Variants in CBLN2 observed in about 807,000 individuals in gnomAD.
The protein encoded by CBLN2 is cerebellin-2.
In CBLN2, 7 loss-of-function variants were observed where a neutral mutation model predicts 15.0. The ratio of observed to expected loss-of-function variants is 0.47; its 90% CI spans 0.27 to 0.88. The LOEUF is 0.88. CBLN2 is among the 40% of genes least tolerant of loss of function. CBLN2 has a pLI of 0.14. For missense variants in CBLN2, 242 were observed against 304.5 expected (o/e 0.79, Z 1.53); for synonymous variants, 149 against 135.2 (o/e 1.10, Z -0.71).
intron 1 of CBLN2, among the ~76,000 whole-genome samples, chr18:72,554,077 C>T (rs181861309): frequency 1.3e-4 from 20 of 152,252 alleles, no homozygotes; most frequent in Non-Finnish European, 2.4e-4. Flanking sequence ...ATCACATAAT[C>T]TCTTCTATAA....
At chr18:72,620,271 C>T (rs1372031430) in intron 1 of CBLN2, 2 of 152,094 alleles carry the variant, frequency 1.3e-5, no homozygotes, top group African/African-American at 4.8e-5. Flanking sequence ...TGAGTATCTG[C>T]ACTTGTGGCT....
At chr18:72,589,264 G>A (rs1350879620) in intron 1 of CBLN2, among the ~76,000 whole-genome samples, 2 of 152,118 alleles carry the variant, frequency 1.3e-5, no homozygotes, top group African/African-American at 2.4e-5. Context: ...GAGTAAGAGA[G>A]GCCAGAAGTA....
At position 72,566,023 on chromosome 18, in the gene CBLN2, T is replaced by A. The variant is rs1011160134; in HGVS notation, c.16-27251A>T. On this transcript the variant is annotated intron_variant, in intron 1 of 2. Transcript: ENST00000581073. ...TGAGCAAAAGAGCTAAGTAGACATT[T>A]CTCCGAAGAAGACATACAAATGGTC... 4.3e-4 allele frequency among the ~76,000 whole-genome samples: 65 copies of A among 152,034 alleles called. 4 individuals carry two copies. Among genetic ancestry groups the A allele is most frequent in the African/African-American group, 4.8e-5 (2 of 41,386 alleles).
intron 1 of CBLN2, among the ~76,000 whole-genome samples, chr18:72,625,812 CTCTCTCTATATATATATA>C (rs1185292850): frequency 1.3e-4 from 9 of 69,080 alleles, no homozygotes; most frequent in Admixed American, 1.0e-3. Flanking sequence ...CTCTCTCTCT[CTCTCTCTATATATATATA>C]TATATATATA....
At position 72,537,508 on chromosome 18, in the gene CBLN2, G is replaced by A. The variant is rs1223274869; in HGVS notation, c.*668C>T. On this transcript the variant is annotated 3_prime_UTR_variant, in exon 5 of 5. Coordinates refer to ENST00000269503, the MANE Select transcript of CBLN2 (RefSeq NM_182511.4). ...GGGTTGAGGAGGGAGAGCTGAGTGTGGAAAGAAAAGTAAAGCTTTTCAAGA... is the reference window on the plus strand; with the variant it reads ...GGGTTGAGGAGGGAGAGCTGAGTGTAGAAAGAAAAGTAAAGCTTTTCAAGA... 1 of 152,454 alleles carries A rather than the reference G, an allele frequency of 6.6e-6. No individual in the cohort carries two copies. The highest frequency in any genetic ancestry group is 6.6e-5 in the Admixed American group (1 of 15,262). The allele number at this position is 152,454 out of a possible 1,614,324, so 9.4% of individuals were successfully genotyped here.
intron 1 of CBLN2, among the ~76,000 whole-genome samples, chr18:72,634,969 C>T (rs1404880249): frequency 6.6e-6 from 1 of 152,028 alleles, no homozygotes; most frequent in African/African-American, 2.4e-5. Flanking sequence ...AGACATGCTT[C>T]CTTCCTTTTC....
chr18:72,627,610 C>T (rs1008852598), intron 1 of CBLN2, among the ~76,000 whole-genome samples: 19 of 152,046 alleles, frequency 1.2e-4, no homozygotes, highest in Non-Finnish European at 1.5e-4. Flanking sequence ...GCCATGAGGC[C>T]GAGGGGCAGA....
chr18:72,599,959 G>C (rs2069537508), intron 1 of CBLN2, among the ~76,000 whole-genome samples: 1 of 152,202 alleles, frequency 6.6e-6, no homozygotes, highest in African/African-American at 2.4e-5. Flanking sequence ...AGCTTGGAGA[G>C]TGGGACTGCC....
At chr18:72,591,013 A>G (rs1341778094) in intron 1 of CBLN2, among the ~76,000 whole-genome samples, 1 of 152,182 alleles carries the variant, frequency 6.6e-6, no homozygotes, top group African/African-American at 2.4e-5. Flanking sequence ...GCTATATTTG[A>G]TAGCTTTCAT....
chr18:72,551,799 G>C (rs1241254981), intron 1 of CBLN2, among the ~76,000 whole-genome samples: 2 of 152,144 alleles, frequency 1.3e-5, no homozygotes, highest in Non-Finnish European at 2.9e-5. Context: ...AATTAGCACG[G>C]CTTAATATTT....
chr18:72,618,545 T>C (rs1040986252), intron 1 of CBLN2: 4 of 733,588 alleles, frequency 5.5e-6, no homozygotes, highest in African/African-American at 5.1e-5. Context: ...TCAAGAAAAG[T>C]TTCTCAAAGA....
At chr18:72,597,466 A>G (rs1296643238) in intron 1 of CBLN2, among the ~76,000 whole-genome samples, 1 of 152,158 alleles carries the variant, frequency 6.6e-6, no homozygotes, top group Non-Finnish European at 1.5e-5. Flanking sequence ...GGCCACTATC[A>G]CAGAGATTGC....
At chr18:72,542,450 A>C (rs2069123502) in intron 2 of CBLN2, 124 bp from the exon 3 acceptor site, 1 of 191,964 alleles carries the variant, frequency 5.2e-6, no homozygotes, top group South Asian at 1.9e-4. Flanking sequence ...GGTCCCGCGC[A>C]CAGCCAACCC....
intron 1 of CBLN2, among the ~76,000 whole-genome samples, chr18:72,603,036 C>T (rs940332364): frequency 6.6e-6 from 1 of 152,312 alleles, no homozygotes; most frequent in East Asian, 1.9e-4. Context: ...AAAAAACCAG[C>T]ATATGAAAGC....
At chr18:72,628,166 T>C (rs1221936515) in intron 1 of CBLN2, among the ~76,000 whole-genome samples, 3 of 152,234 alleles carry the variant, frequency 2.0e-5, no homozygotes, top group East Asian at 3.9e-4. Context: ...TGGTTTAATG[T>C]TCTGCGTCAC....
At position 72,604,442 on chromosome 18, in the gene CBLN2, G is replaced by A. The variant is rs528606130; in HGVS notation, c.15+33883C>T. 5.3e-5 allele frequency among the ~76,000 whole-genome samples: 8 copies of A among 152,108 alleles called. No individual in the cohort carries two copies. In the South Asian group the frequency reaches 1.0e-3, roughly 20 times the overall value. On this transcript the variant is annotated intron_variant, in intron 1 of 2. Transcript: ENST00000581073. ...TATCAAAGTGTCTATTTACCTGACCGGCTAGCTTTTTAAGATGGAATATTC... is the reference window on the plus strand; with the variant it reads ...TATCAAAGTGTCTATTTACCTGACCAGCTAGCTTTTTAAGATGGAATATTC...
chr18:72,539,068 C>T (rs192724804), intron 3 of CBLN2: 95 of 303,908 alleles, frequency 3.1e-4, no homozygotes, highest in East Asian at 2.6e-3. Flanking sequence ...AGGGGCAGGG[C>T]AGAGAGAAAG....
In CBLN2 at chr18:72,541,707, G is replaced by A. The variant is rs1400529870; in HGVS notation, c.357+97C>T. 4 of 911,892 alleles carry A rather than the reference G, an allele frequency of 4.4e-6. No individual in the cohort carries two copies. The African/African-American group carries it at 6.8e-5, about 16-fold the overall frequency. 56.5% of individuals were successfully genotyped at this position (911,892 alleles called of 1,614,324 possible). A position where few individuals can be genotyped will look rare whatever the true frequency, so the allele number is the denominator to read the frequency against. On this transcript the variant is annotated intron_variant, in intron 3 of 4. Coordinates refer to ENST00000269503, the MANE Select transcript of CBLN2 (RefSeq NM_182511.4). The stretch of plus-strand genomic sequence containing the variant: ...GGCAGAGGGGGAGGACAGAGCCTGG[G>A]AACTCCACGTCCAAGAAGCCTGAAC...
chr18:72,562,808 T>C (rs2069270379), intron 1 of CBLN2, among the ~76,000 whole-genome samples: 1 of 152,198 alleles, frequency 6.6e-6, no homozygotes, highest in African/African-American at 2.4e-5. Flanking sequence ...TTTTTAGAAG[T>C]TGGTTACCTT....
Sources: allele counts gnomAD v4.1 joint callset (sites outside exome capture counted in the v4.1 genomes callset), GRCh38; gene constraint gnomAD v4.1.1; transcripts MANE v1.5; gene names NCBI Gene and HGNC (gene_info 2026-07-23, HGNC 2026-07-21).